The following CSMD3 variants were observed in gnomAD, a reference collection of about 807,000 sequenced individuals.
The protein encoded by CSMD3 is CUB and sushi domain-containing protein 3.
In CSMD3, 177 loss-of-function variants were observed where a neutral mutation model predicts 435.2. The ratio of observed to expected loss-of-function variants is 0.41; its 90% CI spans 0.36 to 0.46. CSMD3 has a LOEUF of 0.46. CSMD3 is among the 20% of genes least tolerant of loss of function. The pLI, the probability that CSMD3 is intolerant of heterozygous loss-of-function variation, is 0.34. For synonymous variants in CSMD3, 1,656 were observed against 1,520.5 expected (o/e 1.09, Z -2.07); for missense variants, 4,265 against 4,504.6 (o/e 0.95, Z 1.52).
chr8:112,370,021 GAGGAAGAAGAAGAA>G (rs1375311448), intron 38 of CSMD3, among the ~76,000 whole-genome samples: 1 of 113,702 alleles, frequency 8.8e-6, no homozygotes, highest in African/African-American at 3.3e-5. Flanking sequence ...GGAAGAAGAA[GAGGAAGAAGAAGAA>G]GAAGAAGAAG....
chr8:113,283,668 T>G (rs148226559), intron 2 of CSMD3, among the ~76,000 whole-genome samples: 3,659 of 152,184 alleles, frequency 0.024, 142 homozygotes, highest in African/African-American at 0.084. Context: ...AAAAACAGTG[T>G]GGAGATTCCT....
intron 3 of CSMD3, among the ~76,000 whole-genome samples, chr8:113,252,178 T>A (rs899020637): frequency 1.6e-4 from 25 of 152,238 alleles, no homozygotes; most frequent in African/African-American, 5.8e-4. Flanking sequence ...TTAGTGATCT[T>A]CCCTTCTCTC....
intron 7 of CSMD3, among the ~76,000 whole-genome samples, chr8:112,962,684 T>G (rs1564154208): frequency 1.3e-5 from 2 of 152,008 alleles, no homozygotes; most frequent in African/African-American, 2.4e-5. Flanking sequence ...AAAATAAACA[T>G]AGATGGGTTC....
intron 5 of CSMD3, among the ~76,000 whole-genome samples, chr8:113,046,674 C>T (rs1176674532): frequency 6.6e-6 from 1 of 152,150 alleles, no homozygotes; most frequent in Non-Finnish European, 1.5e-5. Flanking sequence ...AGGAGGCCGG[C>T]GTCAAAGAGC....
rs752866181 is a variant in CSMD3, at chr8:112,310,998, G to T, written c.7865C>A (p.Ala2622Glu). 5 of 1,613,528 alleles carry T rather than the reference G, an allele frequency of 3.1e-6. No individual in the cohort carries two copies. The South Asian group carries it at 5.5e-5, about 18-fold the overall frequency. The change falls in exon 50 of 71, where the codon GCG (alanine) becomes GAG (glutamate). Residue 2622 changes from alanine (A) to glutamate (E), a missense_variant. Transcript: ENST00000297405. Reference protein sequence around the residue: ...KSSYGYHAWDAPVPACQAISC... With the variant: ...KSSYGYHAWDEPVPACQAISC... Reference sequence around the variant, plus strand: ...TTCACCTTGACAGGCAGGGACTGGCGCATCCCATGCATGATACCCATAGGA... The same window carrying T: ...TTCACCTTGACAGGCAGGGACTGGCTCATCCCATGCATGATACCCATAGGA...
At chr8:112,938,465 C>T (rs1490341719) in intron 9 of CSMD3, among the ~76,000 whole-genome samples, 1 of 151,978 alleles carries the variant, frequency 6.6e-6, no homozygotes, top group Non-Finnish European at 1.5e-5. Flanking sequence ...TTATAAGAAA[C>T]CAAGGCAGAT....
At chr8:112,355,090 C>G in intron 38 of CSMD3, among the ~76,000 whole-genome samples, 1 of 152,162 alleles carries the variant, frequency 6.6e-6, no homozygotes, top group Non-Finnish European at 1.5e-5. Flanking sequence ...TTGACAGAAA[C>G]AAGCCATGGG....
chr8:112,399,335 A>G (rs1217998177), intron 35 of CSMD3, among the ~76,000 whole-genome samples: 1 of 150,736 alleles, frequency 6.6e-6, no homozygotes, highest in Non-Finnish European at 1.5e-5. Context: ...TTCTTGGCTC[A>G]CTGCAACCTC....
At chr8:112,804,534 C>T (rs560663959) in intron 12 of CSMD3, among the ~76,000 whole-genome samples, 5 of 152,058 alleles carry the variant, frequency 3.3e-5, no homozygotes, top group Admixed American at 1.3e-4. Context: ...TCAGGAAAGC[C>T]CAGAAGGCTG....
At chr8:112,231,519 C>T (rs758747648) in intron 69 of CSMD3, 26 bp downstream of exon 69, 36 of 1,348,020 alleles carry the variant, frequency 2.7e-5, no homozygotes, top group Non-Finnish European at 3.3e-5. Context: ...AACAGAAGTT[C>T]GTGAAAATCA....
At chr8:112,582,478 C>T (rs929104764) in intron 23 of CSMD3, among the ~76,000 whole-genome samples, 15 of 151,600 alleles carry the variant, frequency 9.9e-5, no homozygotes, top group African/African-American at 3.4e-4. Flanking sequence ...GGCCATTATG[C>T]CTGGAGTGGA....
chr8:112,667,743 T>C (rs2075560374), intron 16 of CSMD3, among the ~76,000 whole-genome samples: 1 of 152,132 alleles, frequency 6.6e-6, no homozygotes, highest in Admixed American at 6.6e-5. Context: ...TTTAAGATGT[T>C]GAAAATTATC....
chr8:112,524,869 T>C (rs764515341), intron 27 of CSMD3, among the ~76,000 whole-genome samples: 2 of 152,030 alleles, frequency 1.3e-5, no homozygotes, highest in Non-Finnish European at 2.9e-5. Flanking sequence ...AAAATAATCA[T>C]TTCTGTTACA....
At chr8:113,182,584 C>G (rs1360543268) in intron 3 of CSMD3, among the ~76,000 whole-genome samples, 1 of 151,738 alleles carries the variant, frequency 6.6e-6, no homozygotes, top group Non-Finnish European at 1.5e-5. Context: ...AAACTCACAA[C>G]GAATTGCTTA....
chr8:112,992,302 C>T (rs1323636662), intron 6 of CSMD3, among the ~76,000 whole-genome samples: 1 of 150,560 alleles, frequency 6.6e-6, no homozygotes, highest in Non-Finnish European at 1.5e-5. Flanking sequence ...TGGATGTATT[C>T]TAGGAATTCC....
In CSMD3 at chr8:113,394,741, T is replaced by G. The variant is rs577547231; in HGVS notation, c.178+41936A>C. Among the ~76,000 whole-genome samples, 5 of 152,194 alleles carry G rather than the reference T, an allele frequency of 3.3e-5. No individual in the cohort carries two copies. The East Asian group carries it at 9.6e-4, about 29-fold the overall frequency. On this transcript the variant is annotated intron_variant, in intron 1 of 70. Transcript: ENST00000297405. ...AGAATTTTGCTAGATGACATCAACA[T>G]GTACATGAAAGACATAGACTCTGCA...
At position 112,882,490 on chromosome 8, in the gene CSMD3, T is replaced by G. The variant is rs147554429; in HGVS notation, c.1634-23224A>C. 6.2e-3 allele frequency among the ~76,000 whole-genome samples: 940 copies of G among 152,102 alleles called. 7 individuals carry two copies. Among genetic ancestry groups the G allele is most frequent in the Middle Eastern group, 0.014 (4 of 294 alleles). The stretch of plus-strand genomic sequence containing the variant: ...AAAGCCTCATAGGAATGTGTCCCCT[T>G]ATTTCACTACCTACTCTACTTTCTT... On this transcript the variant is annotated intron_variant, in intron 10 of 70. Transcript: ENST00000297405.
intron 3 of CSMD3, among the ~76,000 whole-genome samples, chr8:113,231,291 A>G (rs1299082454): frequency 3.3e-5 from 5 of 151,324 alleles, no homozygotes; most frequent in African/African-American, 1.2e-4. Flanking sequence ...CTTGTATCAA[A>G]TAATTAACTA....
chr8:112,882,279 A>G (rs2081470502), intron 10 of CSMD3, among the ~76,000 whole-genome samples: 1 of 152,102 alleles, frequency 6.6e-6, no homozygotes, highest in Admixed American at 6.6e-5. Flanking sequence ...ATGTCTCCCC[A>G]GGTAGCTTCC....
Sources: allele counts gnomAD v4.1 joint callset (sites outside exome capture counted in the v4.1 genomes callset), GRCh38; gene constraint gnomAD v4.1.1; transcripts MANE v1.5; gene names NCBI Gene and HGNC (gene_info 2026-07-23, HGNC 2026-07-21).